Variants in C11orf65 observed in about 807,000 individuals in gnomAD.
The protein encoded by C11orf65 is protein MFI.
C11orf65 carries 38 observed loss-of-function variants against 35.3 expected under a neutral mutation model. The ratio of observed to expected loss-of-function variants is 1.08; its 90% CI spans 0.83 to 1.41. C11orf65 has a LOEUF of 1.41. Among genes scored for constraint, C11orf65 ranks in the 40% most tolerant of loss-of-function variants. The pLI, the probability that C11orf65 is intolerant of heterozygous loss-of-function variation, is 0.00. For missense variants in C11orf65, 370 were observed against 367.1 expected, an observed-to-expected ratio of 1.01 and a Z score of -0.06; for synonymous variants, 105 against 114.4, an observed-to-expected ratio of 0.92 and a Z score of 0.53.
At chr11:108,328,019 T>C (rs373198088), downstream of C11orf65, among the ~76,000 whole-genome samples, 2 of 152,278 alleles carry the variant, frequency 1.3e-5, no homozygotes, top group African/African-American at 2.4e-5. Context: ...TTTCAGCAGG[T>C]TGCTTCTGAT....
intron 6 of C11orf65, among the ~76,000 whole-genome samples, chr11:108,310,784 A>T (rs660429): frequency 1.3e-5 from 2 of 151,910 alleles, no homozygotes; most frequent in Non-Finnish European, 2.9e-5. Context: ...TCTGTGACTA[A>T]TTAAGTTTCA....
intron 1 of C11orf65, among the ~76,000 whole-genome samples, chr11:108,465,582 G>T (rs559391712): frequency 2.0e-5 from 3 of 152,280 alleles, no homozygotes; most frequent in East Asian, 3.9e-4. Context: ...TTGGGTTGAG[G>T]AAGTGGGAAA....
intron 1 of C11orf65, among the ~76,000 whole-genome samples, chr11:108,467,045 C>T (rs190176564): frequency 1.2e-4 from 18 of 152,054 alleles, no homozygotes; most frequent in African/African-American, 4.3e-4. Context: ...ACTGAAAAGA[C>T]GTAAAACAAA....
intron 1 of C11orf65, among the ~76,000 whole-genome samples, chr11:108,465,293 G>A (rs1442728997): frequency 6.6e-6 from 1 of 152,146 alleles, no homozygotes; most frequent in African/African-American, 2.4e-5. Flanking sequence ...AGGCTAAAGG[G>A]TGTTTAGAAG....
chr11:108,393,335 T>C lies in C11orf65; in HGVS notation c.604A>G (p.Thr202Ala). 3 of 1,613,928 alleles carry C rather than the reference T, an allele frequency of 1.9e-6. No individual in the cohort carries two copies. Among genetic ancestry groups the C allele is most frequent in the Non-Finnish European group, 2.5e-6 (3 of 1,179,950 alleles). ...GTTGCAGTGTGAATTAGTCCTAGAGTTTCATGATGTGTTGACTTAGCCTCC... is the reference window on the plus strand; with the variant it reads ...GTTGCAGTGTGAATTAGTCCTAGAGCTTCATGATGTGTTGACTTAGCCTCC... ...SLEAKSTHHE[T>A]LGLIHTATKG... Residue 202 changes from threonine (T) to alanine (A), a missense_variant, in exon 7 of 9, where the codon ACT (threonine) becomes GCT (alanine). Coordinates refer to ENST00000393084, the MANE Select transcript of C11orf65 (RefSeq NM_152587.5).
Position 108,437,780 on chromosome 11 carries a change from T to C in C11orf65, c.82-5942A>G, listed in dbSNP as rs1286158498. On this transcript the variant is annotated intron_variant, in intron 2 of 8. Coordinates refer to ENST00000393084, the MANE Select transcript of C11orf65 (RefSeq NM_152587.5). ...CGGAAAAACACCCCACATTCACAGA[T>C]TGGAAGCCTTAGTATTGTTAAGATG... Among the ~76,000 whole-genome samples the C allele has an allele frequency of 9.0e-5, 13 of 145,204 alleles. No individual in the cohort carries two copies. In the South Asian group the frequency reaches 1.5e-3, roughly 17 times the overall value.
chr11:108,418,391 A>G (rs2092770825), intron 3 of C11orf65, among the ~76,000 whole-genome samples: 2 of 152,200 alleles, frequency 1.3e-5, no homozygotes, highest in South Asian at 4.1e-4. Flanking sequence ...GCTGACAACA[A>G]AAAGATAACT....
chr11:108,452,886 A>T (rs2093366757), intron 2 of C11orf65, among the ~76,000 whole-genome samples: 1 of 151,906 alleles, frequency 6.6e-6, no homozygotes, highest in Non-Finnish European at 1.5e-5. Flanking sequence ...CATTCTGAGC[A>T]AACTATCACA....
chr11:108,380,712 T>C (rs966222891), downstream of C11orf65, among the ~76,000 whole-genome samples: 8 of 152,222 alleles, frequency 5.3e-5, no homozygotes, highest in Admixed American at 2.0e-4. Context: ...GGCCTTGATA[T>C]GACACCATCA....
At chr11:108,314,582 T>C (rs1354151345) in intron 6 of C11orf65, among the ~76,000 whole-genome samples, 29 of 152,108 alleles carry the variant, frequency 1.9e-4, no homozygotes, top group Admixed American at 1.9e-3. Flanking sequence ...GTCTACTGTG[T>C]TGCTGATCCA....
chr11:108,410,336 G>C (rs1031739005), intron 3 of C11orf65, among the ~76,000 whole-genome samples: 1 of 152,060 alleles, frequency 6.6e-6, no homozygotes, highest in Admixed American at 6.6e-5. Flanking sequence ...TGGCCATATG[G>C]ATCTATCAGT....
intron 3 of C11orf65, among the ~76,000 whole-genome samples, chr11:108,426,616 A>G (rs2092906631): frequency 6.6e-6 from 1 of 152,096 alleles, no homozygotes; most frequent in South Asian, 2.1e-4. Context: ...TCAAGCTACC[A>G]TTGACTTTCC....
rs1175830656 is a variant in C11orf65 at position 108,383,147 on chromosome 11, G to C, written c.816C>G (p.Asn272Lys). The change falls in exon 9 of 9, where the codon AAC (asparagine) becomes AAG (lysine). Residue 272 changes from asparagine to lysine, a missense_variant. Transcript: ENST00000393084. Reference sequence around the variant, plus strand: ...ATATGTCTCCTCCATAGTTATATATGTTTTTCTGTGCTTGATTAAACCTGA... The same window carrying C: ...ATATGTCTCCTCCATAGTTATATATCTTTTTCTGTGCTTGATTAAACCTGA... ...KGFRFNQAQK[N>K]IYNYGGDISK... The C allele has an allele frequency of 3.1e-6, 5 of 1,602,302 alleles. No individual in the cohort carries two copies. The African/African-American group carries it at 6.7e-5, about 22-fold the overall frequency.
At chr11:108,424,690 C>A (rs2092874303) in intron 3 of C11orf65, among the ~76,000 whole-genome samples, 1 of 152,168 alleles carries the variant, frequency 6.6e-6, no homozygotes, top group Admixed American at 6.6e-5. Context: ...ACTCTCCACC[C>A]CAAAGCAACA....
intron 2 of C11orf65, among the ~76,000 whole-genome samples, chr11:108,376,687 A>G (rs2091734984): frequency 6.6e-6 from 1 of 152,198 alleles, no homozygotes; most frequent in African/African-American, 2.4e-5. Context: ...TAATGAATCC[A>G]GGAGCTGGTT....
chr11:108,466,107 A>G (rs2093534045), intron 1 of C11orf65, among the ~76,000 whole-genome samples: 1 of 152,172 alleles, frequency 6.6e-6, no homozygotes, highest in South Asian at 2.1e-4. Flanking sequence ...AAAAAGGGAT[A>G]AGTTAAATGG....
At chr11:108,324,793 G>C (rs1000857829) in intron 6 of C11orf65, among the ~76,000 whole-genome samples, 1 of 152,148 alleles carries the variant, frequency 6.6e-6, no homozygotes, top group Non-Finnish European at 1.5e-5. Context: ...TGCCTTTTCT[G>C]TTCCTTTAAT....
At chr11:108,394,179 C>CA (rs11387098) in intron 6 of C11orf65, among the ~76,000 whole-genome samples, 45,418 of 82,396 alleles carry the variant, frequency 0.55, 12,159 homozygotes, top group Middle Eastern at 0.73. Context: ...GACTCCATCT[C>CA]AAAAAAAAAA....
chr11:108,410,830 T>A lies in C11orf65; in HGVS notation c.175-3681A>T, dbSNP rs1784313131. ...TTCAAGTGATTCTCCTGCCTCAGCCTCCTGAGTAGGTGGGATTACAGGCAC... is the reference window on the plus strand; with the variant it reads ...TTCAAGTGATTCTCCTGCCTCAGCCACCTGAGTAGGTGGGATTACAGGCAC... On this transcript the variant is annotated intron_variant, in intron 3 of 8. Coordinates refer to ENST00000393084, the MANE Select transcript of C11orf65 (RefSeq NM_152587.5). 3.3e-5 allele frequency among the ~76,000 whole-genome samples: 5 copies of A among 151,358 alleles called. No individual in the cohort carries two copies. In the South Asian group the frequency reaches 1.1e-3, roughly 32 times the overall value.
Sources: gnomAD v4.1 joint callset for allele counts (sites outside exome capture counted in the v4.1 genomes callset) on GRCh38, gnomAD v4.1.1 for gene constraint, MANE v1.5 for transcripts, NCBI Gene and HGNC (gene_info 2026-07-23, HGNC 2026-07-21) for gene names.